FAM135B: variants seen among roughly 807,000 people sequenced by gnomAD.
FAM135B encodes protein FAM135B.
FAM135B carries 43 observed loss-of-function variants against 127.7 expected under a neutral mutation model. The ratio of observed to expected loss-of-function variants is 0.34; its 90% confidence interval spans 0.26 to 0.43. The LOEUF (loss-of-function observed/expected upper bound fraction) is 0.43. Ranked by LOEUF, FAM135B falls within the 20% of genes least tolerant of loss-of-function variation. The probability of loss-of-function intolerance (pLI) is 1.00; values close to 1 mark genes in which losing one functional copy is unlikely to be tolerated. For synonymous variants in FAM135B, 670 were observed against 665.1 expected (o/e 1.01, Z -0.11); for missense variants, 1,558 against 1,725.6 (o/e 0.90, Z 1.72).
chr8:138,381,293 T>C lies in FAM135B; in HGVS notation c.-19-13291A>G, dbSNP rs141266363. ...ACTACCTCTAAATATGGTTTTATTA[T>C]ACCTTTGTTCAAGCTATTATCTCCA... On this transcript the variant is annotated intron_variant, in intron 1 of 19. Transcript: ENST00000395297. Among the ~76,000 whole-genome samples the C allele has an allele frequency of 1.5e-3, 224 of 152,288 alleles. 3 individuals are homozygous for C. The East Asian group carries it at 0.03, about 21-fold the overall frequency.
intron 1 of FAM135B, among the ~76,000 whole-genome samples, chr8:138,484,273 G>C (rs999300200): frequency 3.9e-5 from 6 of 152,138 alleles, no homozygotes; most frequent in Admixed American, 3.3e-4. Context: ...TCACACAGCT[G>C]GGTGGCTAAA....
At chr8:138,400,954 A>G (rs1235710757) in intron 1 of FAM135B, among the ~76,000 whole-genome samples, 1 of 152,244 alleles carries the variant, frequency 6.6e-6, no homozygotes, top group Non-Finnish European at 1.5e-5. Context: ...AAGATCTCTG[A>G]TAAGATTGCA....
rs181030820 is a variant in FAM135B, at chr8:138,339,032, T to C, written c.78-28112A>G. On this transcript the variant is annotated intron_variant, in intron 2 of 19. Coordinates refer to ENST00000395297, the MANE Select transcript of FAM135B (RefSeq NM_015912.4). ...AGGACAAAAAACCAAACACCGCATG[T>C]TCTCACTCATAGGTAGGAATTGAAC... is the stretch of plus-strand genomic sequence containing the variant. Among the ~76,000 whole-genome samples the C allele has an allele frequency of 8.7e-3, 1,314 of 150,412 alleles. 24 individuals are homozygous for C. Among genetic ancestry groups the C allele is most frequent in the African/African-American group, 0.031 (1,260 of 40,814 alleles).
chr8:138,352,598 G>T (rs1280329215), intron 2 of FAM135B, among the ~76,000 whole-genome samples: 1 of 152,078 alleles, frequency 6.6e-6, no homozygotes, highest in Non-Finnish European at 1.5e-5. Context: ...TGAGTCTAAA[G>T]ATTTATCTCA....
intron 5 of FAM135B, among the ~76,000 whole-genome samples, chr8:138,255,701 C>A (rs1256570785): frequency 6.6e-6 from 1 of 152,190 alleles, no homozygotes; most frequent in Non-Finnish European, 1.5e-5. Context: ...TGAGGCATCA[C>A]TACATCAGAT....
chr8:138,181,014 G>A (rs1814972653), intron 9 of FAM135B, among the ~76,000 whole-genome samples: 1 of 151,986 alleles, frequency 6.6e-6, no homozygotes, highest in African/African-American at 2.4e-5. Context: ...GCTGAGGCAG[G>A]CGGATCACGA....
rs1821044269 is a variant in FAM135B at position 138,243,664 on chromosome 8, T to C, written c.543-596A>G. ...CCCAGCTCTGCAATCCAAAGATTAA[T>C]GGACATATTGTGATGGCAATGATCA... On this transcript the variant is annotated intron_variant, in intron 6 of 19. Transcript: ENST00000395297. The surrounding 1 kb of genome is among the most constrained non-coding windows in gnomAD (Gnocchi z 7.5). Among the ~76,000 whole-genome samples the C allele has an allele frequency of 6.6e-6, 1 of 152,232 alleles. No homozygotes were observed. The highest frequency in any genetic ancestry group is 6.5e-5 in the Admixed American group (1 of 15,282).
intron 2 of FAM135B, among the ~76,000 whole-genome samples, chr8:138,318,663 G>A (rs1306315835): frequency 1.3e-5 from 2 of 152,170 alleles, no homozygotes. Flanking sequence ...CCCCTCATAG[G>A]AAGCACATTT....
rs771270430 is a variant in FAM135B, at chr8:138,386,570, G to A, written c.-19-18568C>T. Among the ~76,000 whole-genome samples, 16 of 152,088 alleles carry A rather than the reference G, an allele frequency of 1.1e-4. No individual in the cohort carries two copies. In the East Asian group the frequency reaches 1.2e-3, roughly 11 times the overall value. On this transcript the variant is annotated intron_variant, in intron 1 of 19. Transcript: ENST00000395297. ...GATTCTAGGAGTTGCCTTCAACTGT[G>A]GTATAGAATGAATTTGAAGTAGTAC...
chr8:138,175,391 T>C (rs181631589), intron 11 of FAM135B, among the ~76,000 whole-genome samples: 1 of 152,230 alleles, frequency 6.6e-6, no homozygotes, highest in East Asian at 1.9e-4. Flanking sequence ...ACCTAAACAA[T>C]ATTCTTGTAT....
At chr8:138,467,383 T>C (rs749985541) in intron 1 of FAM135B, among the ~76,000 whole-genome samples, 14 of 152,256 alleles carry the variant, frequency 9.2e-5, no homozygotes, top group Non-Finnish European at 1.8e-4. Flanking sequence ...TGTGGTTACT[T>C]ACATTAAAAT....
chr8:138,293,500 C>A (rs1825265695), intron 3 of FAM135B, among the ~76,000 whole-genome samples: 1 of 152,080 alleles, frequency 6.6e-6, no homozygotes. Flanking sequence ...GCAAACTCTG[C>A]ATTTGACAAA....
At chr8:138,245,066 G>A (rs1821171361) in intron 6 of FAM135B, among the ~76,000 whole-genome samples, 1 of 152,140 alleles carries the variant, frequency 6.6e-6, no homozygotes, top group Non-Finnish European at 1.5e-5. Context: ...ACTGATAGAA[G>A]TTCTTTCTGC....
At chr8:138,372,169 A>G (rs1339012237) in intron 1 of FAM135B, among the ~76,000 whole-genome samples, 2 of 152,206 alleles carry the variant, frequency 1.3e-5, no homozygotes, top group African/African-American at 4.8e-5. Flanking sequence ...TGAAGAGAGT[A>G]ACCACAGCAG....
At chr8:138,214,159 C>A (rs570817993) in intron 7 of FAM135B, among the ~76,000 whole-genome samples, 3 of 152,228 alleles carry the variant, frequency 2.0e-5, no homozygotes, top group Admixed American at 2.0e-4. Flanking sequence ...TTTTTTTCAA[C>A]AGAGATCCCA....
At chr8:138,391,565 A>T (rs1479079325) in intron 1 of FAM135B, among the ~76,000 whole-genome samples, 6 of 151,972 alleles carry the variant, frequency 3.9e-5, no homozygotes. Context: ...CCTCCAGATG[A>T]CTTCTCAAGC....
At chr8:138,352,120 C>T (rs1829821341) in intron 2 of FAM135B, among the ~76,000 whole-genome samples, 1 of 152,308 alleles carries the variant, frequency 6.6e-6, no homozygotes, top group Admixed American at 6.5e-5. Flanking sequence ...TGATTACAGA[C>T]ATTGGGAAAC....
intron 2 of FAM135B, among the ~76,000 whole-genome samples, chr8:138,334,791 C>A (rs903090744): frequency 1.3e-5 from 2 of 152,084 alleles, no homozygotes; most frequent in East Asian, 1.9e-4. Context: ...TCCAATCTAC[C>A]ATTGATGGGC....
chr8:138,218,653 C>G (rs996936998), intron 7 of FAM135B, among the ~76,000 whole-genome samples: 3 of 152,006 alleles, frequency 2.0e-5, no homozygotes, highest in Non-Finnish European at 2.9e-5. Context: ...TATCCCTCCT[C>G]CTTTCTTTTT....
Sources: allele counts gnomAD v4.1 joint callset (sites outside exome capture counted in the v4.1 genomes callset), GRCh38; gene constraint gnomAD v4.1.1; non-coding constraint Gnocchi (gnomAD v3.1); transcripts MANE v1.5; gene names NCBI Gene and HGNC (gene_info 2026-07-23, HGNC 2026-07-21).